The following ZNF831 variants were observed in gnomAD, a reference collection of about 807,000 sequenced individuals.
The protein encoded by ZNF831 is chromosome 20 open reading frame 174.
ZNF831 carries 59 observed loss-of-function variants against 95.8 expected under a neutral mutation model. The observed-to-expected ratio is 0.62, with a 90% CI of 0.50 to 0.77. ZNF831 has a LOEUF of 0.77. Ranked by LOEUF, ZNF831 falls within the 30% of genes least tolerant of loss-of-function variation. The pLI is 0.00. For missense variants in ZNF831, 2,205 were observed against 2,164.0 expected, an observed-to-expected ratio of 1.02 and a Z score of -0.38; for synonymous variants, 961 against 925.5, an observed-to-expected ratio of 1.04 and a Z score of -0.70.
chr20:59,185,131 G>T (rs1017829424), intron 1 of ZNF831, among the ~76,000 whole-genome samples: 8 of 152,108 alleles, frequency 5.3e-5, no homozygotes, highest in African/African-American at 1.9e-4. Flanking sequence ...CCGGCCCCCA[G>T]CTTCCCCATC....
intron 1 of ZNF831, among the ~76,000 whole-genome samples, chr20:59,185,537 G>A (rs1245705516): frequency 6.6e-6 from 1 of 152,040 alleles, no homozygotes; most frequent in African/African-American, 2.4e-5. Flanking sequence ...GGCCCCCACT[G>A]AGACACCCCT....
intron 1 of ZNF831, among the ~76,000 whole-genome samples, chr20:59,127,319 C>T (rs1346362343): frequency 6.6e-6 from 1 of 152,204 alleles, no homozygotes. Context: ...CCTGTCATCT[C>T]ACCCTAGAGG....
intron 4 of ZNF831, among the ~76,000 whole-genome samples, chr20:59,230,460 A>C (rs1452541097): frequency 6.6e-6 from 1 of 152,148 alleles, no homozygotes; most frequent in Non-Finnish European, 1.5e-5. Context: ...TGACAGAACA[A>C]CAGAGTGAGA....
chr20:59,207,262 G>T (rs140149964), intron 4 of ZNF831, among the ~76,000 whole-genome samples: 109 of 152,320 alleles, frequency 7.2e-4, no homozygotes, highest in African/African-American at 2.6e-3. Flanking sequence ...AGAAGACGGA[G>T]AATTCAATAT....
intron 4 of ZNF831, among the ~76,000 whole-genome samples, chr20:59,221,670 G>A (rs772007941): frequency 2.0e-5 from 3 of 152,236 alleles, no homozygotes; most frequent in Non-Finnish European, 2.9e-5. Flanking sequence ...TTGAGGAAAA[G>A]AAATGCAAGC....
intron 2 of ZNF831, 189 bp from the exon 3 acceptor site, chr20:59,195,680 A>G (rs1374920881): frequency 2.5e-6 from 2 of 788,302 alleles, no homozygotes; most frequent in Non-Finnish European, 3.1e-6. Context: ...GGGTTTCAGG[A>G]GGTTCTGTCC....
rs369340093 is a variant in ZNF831 at position 59,194,515 on chromosome 20, A to T, written c.3496A>T (p.Ser1166Cys). The T allele has an allele frequency of 6.2e-7, 1 of 1,609,136 alleles. No homozygotes were observed. The highest frequency in any genetic ancestry group is 8.5e-7 in the Non-Finnish European group (1 of 1,177,684). ...SGTSRSHSTR[S>C]PHSTQNPFPS... ...GACGTCCCGGAGCCACAGCACCCGC[A>T]GTCCCCACAGCACCCAAAACCCCTT... The change falls in exon 2 of 6, where the codon AGT becomes TGT. Residue 1166 changes from serine to cysteine, a missense_variant. Coordinates refer to ENST00000371030, the MANE Select transcript of ZNF831 (RefSeq NM_178457.3).
intron 3 of ZNF831, among the ~76,000 whole-genome samples, chr20:59,197,632 C>T (rs1029259982): frequency 2.6e-5 from 4 of 152,268 alleles, no homozygotes; most frequent in African/African-American, 7.2e-5. Context: ...TCCTTTCCAG[C>T]GTCCCTCCTT....
intron 2 of ZNF831, among the ~76,000 whole-genome samples, chr20:59,148,086 TCTC>T (rs1979976733): frequency 6.6e-6 from 1 of 152,240 alleles, no homozygotes; most frequent in Admixed American, 6.5e-5. Context: ...TTGAGAATGT[TCTC>T]CTACTAACCT....
chr20:59,126,836 C>T (rs755987982), intron 1 of ZNF831, among the ~76,000 whole-genome samples: 1 of 152,202 alleles, frequency 6.6e-6, no homozygotes, highest in African/African-American at 2.4e-5. Flanking sequence ...ACTCTGGCTC[C>T]GTCGTCTTTG....
At chr20:59,198,086 T>C (rs1244773936) in intron 3 of ZNF831, among the ~76,000 whole-genome samples, 1 of 152,160 alleles carries the variant, frequency 6.6e-6, no homozygotes, top group Non-Finnish European at 1.5e-5. Context: ...ACCATGTACC[T>C]GCTGTGTGCC....
chr20:59,198,768 G>A (rs1321820065), intron 3 of ZNF831, among the ~76,000 whole-genome samples: 1 of 152,206 alleles, frequency 6.6e-6, no homozygotes, highest in South Asian at 2.1e-4. Context: ...ATAGTGATTT[G>A]TTTATCATTG....
chr20:59,145,423 C>T (rs574752216), intron 1 of ZNF831, among the ~76,000 whole-genome samples: 11 of 152,302 alleles, frequency 7.2e-5, no homozygotes, highest in African/African-American at 2.2e-4. Context: ...TTCTCAGAGC[C>T]TTTACCTGGT....
In ZNF831 at chr20:59,148,537, G is replaced by T. The variant is rs961704589; in HGVS notation, c.-1281+2163G>T. ...TCTACTAAAAATACAAAAATTAGCC[G>T]GGCATGGTGGCGCGCGCCTGTAGTC... On this transcript the variant is annotated intron_variant, in intron 2 of 7. Transcript: ENST00000637017. Among the ~76,000 whole-genome samples the T allele has an allele frequency of 1.2e-4, 16 of 138,910 alleles. 2 individuals are homozygous for T. Among genetic ancestry groups the T allele is most frequent in the Non-Finnish European group, 1.7e-4 (11 of 63,646 alleles). The allele number at this position is 138,910 out of a possible 152,430, so 91.1% of individuals were successfully genotyped here.
At chr20:59,218,452 C>G (rs1231933266) in intron 4 of ZNF831, among the ~76,000 whole-genome samples, 5 of 152,146 alleles carry the variant, frequency 3.3e-5, no homozygotes, top group Non-Finnish European at 7.4e-5. Flanking sequence ...CAAACAGAAC[C>G]CAATTCATTA....
In ZNF831 at chr20:59,254,280, T is replaced by C. The variant is rs2146767095; in HGVS notation, c.4571T>C (p.Leu1524Pro). ...CACAGCCAGACTGCAGGGAGGACTC[T>C]GACATCAAGCTCCCCAGACAGCAAA... ...RDHSQTAGRT[L>P]TSSSPDSKVT... The change falls in exon 6 of 6, where the codon CTG (leucine) becomes CCG (proline). Residue 1524 changes from leucine (L) to proline (P), a missense_variant. By Grantham distance (98) the Leu-to-Pro change is moderately conservative. Transcript: ENST00000371030. This position sits in a 1 kb window ranked among gnomAD's most constrained non-coding sequence, Gnocchi z 4.5. The C allele has an allele frequency of 1.2e-6, 2 of 1,613,972 alleles. No individual in the cohort carries two copies. The highest frequency in any genetic ancestry group is 1.7e-6 in the Non-Finnish European group (2 of 1,179,914).
rs138992850 is a variant in ZNF831, at chr20:59,129,062, C to A, written c.-1425+5557C>A. ...TATAGGCATGAGCCACCGTGCCTGG[C>A]CTATTTTGAAATAATTTTAGACTCA... On this transcript the variant is annotated intron_variant, in intron 1 of 7. Transcript: ENST00000637017. Among the ~76,000 whole-genome samples the A allele has an allele frequency of 8.8e-4, 134 of 152,300 alleles. 1 individual carries two copies. Among genetic ancestry groups the A allele is most frequent in the African/African-American group, 3.0e-3 (124 of 41,564 alleles).
intron 4 of ZNF831, among the ~76,000 whole-genome samples, chr20:59,212,549 G>A (rs966910418): frequency 1.1e-4 from 16 of 152,318 alleles, no homozygotes; most frequent in African/African-American, 3.6e-4. Flanking sequence ...AAGTTTTGCC[G>A]TTTTAAAGAA....
At chr20:59,226,008 C>T (rs1986404471) in intron 4 of ZNF831, among the ~76,000 whole-genome samples, 1 of 152,184 alleles carries the variant, frequency 6.6e-6, no homozygotes, top group Non-Finnish European at 1.5e-5. Flanking sequence ...CATCCCTAGG[C>T]ACATGGTGGC....
Sources: allele counts gnomAD v4.1 joint callset (sites outside exome capture counted in the v4.1 genomes callset), GRCh38; gene constraint gnomAD v4.1.1; non-coding constraint Gnocchi (gnomAD v3.1); transcripts MANE v1.5; gene names NCBI Gene and HGNC (gene_info 2026-07-23, HGNC 2026-07-21).